The following MTA3 variants were observed in gnomAD, a reference collection of about 807,000 sequenced individuals.
MTA3 encodes metastasis associated 1 family member 3.
A neutral mutation model predicts 83.5 loss-of-function variants in MTA3; 34 were observed. That is an observed-to-expected ratio of 0.41 (90% confidence interval 0.31 to 0.54). MTA3 has a LOEUF of 0.54. MTA3 is among the 20% of genes least tolerant of loss of function. The pLI is 0.33. For synonymous variants in MTA3, 303 were observed against 252.7 expected, an observed-to-expected ratio of 1.20 and a Z score of -1.89; for missense variants, 761 against 726.4, an observed-to-expected ratio of 1.05 and a Z score of -0.55.
At chr2:42,719,206 G>C in intron 15 of MTA3, 132 bp downstream of exon 15, 1 of 613,520 alleles carries the variant, frequency 1.6e-6, no homozygotes, top group Non-Finnish European at 2.9e-6. Flanking sequence ...CCTTTATATA[G>C]TCAGTTTATT....
chr2:42,750,917 T>C (rs1023104457), intron 16 of MTA3, among the ~76,000 whole-genome samples: 1 of 152,230 alleles, frequency 6.6e-6, no homozygotes, highest in Non-Finnish European at 1.5e-5. Context: ...CTTCCTTGCT[T>C]CAGTCCCCTC....
chr2:42,622,391 C>A (rs546718431), intron 4 of MTA3, among the ~76,000 whole-genome samples: 3 of 119,154 alleles, frequency 2.5e-5, no homozygotes, highest in Non-Finnish European at 5.1e-5. Context: ...GAGAGGGAGA[C>A]CGTGGGGAGA....
intron 9 of MTA3, among the ~76,000 whole-genome samples, chr2:42,688,042 G>A (rs1692547523): frequency 6.6e-6 from 1 of 152,192 alleles, no homozygotes; most frequent in Admixed American, 6.5e-5. Flanking sequence ...TTGCTAGTTT[G>A]AATGCAAATT....
intron 16 of MTA3, among the ~76,000 whole-genome samples, chr2:42,729,646 T>C (rs776966898): frequency 2.6e-5 from 4 of 152,212 alleles, no homozygotes; most frequent in Admixed American, 6.5e-5. Context: ...GTTCCATTGG[T>C]CTGTATGTCT....
chr2:42,619,637 T>A (rs1397229466), intron 4 of MTA3, among the ~76,000 whole-genome samples: 1 of 152,136 alleles, frequency 6.6e-6, no homozygotes, highest in African/African-American at 2.4e-5. Flanking sequence ...TCAGCAGGAT[T>A]GTGTGTGTAT....
At chr2:42,517,039 C>T (rs1675175274) in intron 2 of MTA3, among the ~76,000 whole-genome samples, 1 of 152,064 alleles carries the variant, frequency 6.6e-6, no homozygotes, top group African/African-American at 2.4e-5. Context: ...GCGGGCAGAT[C>T]ACCTGAGGTG....
At chr2:42,577,504 G>A (rs527638611) in intron 2 of MTA3, among the ~76,000 whole-genome samples, 7 of 149,306 alleles carry the variant, frequency 4.7e-5, no homozygotes, top group Non-Finnish European at 7.4e-5. Flanking sequence ...TTTTTGAGAC[G>A]GATTGTCACT....
intron 16 of MTA3, among the ~76,000 whole-genome samples, chr2:42,727,523 G>C (rs1667911773): frequency 6.6e-6 from 1 of 152,186 alleles, no homozygotes; most frequent in African/African-American, 2.4e-5. Context: ...AGGGATAGAA[G>C]AGCCATTACT....
chr2:42,755,879 C>T lies in MTA3; in HGVS notation c.*2480C>T, dbSNP rs1285578977. ...CTCTGCAGGCTATCTCCCCCTCTGG[C>T]TCAGTCATCGCCTGCCCACCCTTCA... is the stretch of plus-strand genomic sequence containing the variant. On this transcript the variant is annotated 3_prime_UTR_variant, in exon 17 of 17. Transcript: ENST00000405094. The T allele has an allele frequency of 3.0e-5, 30 of 985,442 alleles. No homozygotes were observed. Among genetic ancestry groups the T allele is most frequent in the Non-Finnish European group, 3.6e-5 (30 of 829,936 alleles). 61.0% of individuals were successfully genotyped at this position (985,442 alleles called of 1,614,324 possible).
chr2:42,661,518 A>G (rs1689711545), intron 8 of MTA3, among the ~76,000 whole-genome samples: 1 of 147,142 alleles, frequency 6.8e-6, no homozygotes, highest in Admixed American at 6.9e-5. Context: ...AAAAAAAAAA[A>G]AAAAAAAAAA....
chr2:42,744,363 G>T (rs1051758915), intron 16 of MTA3, among the ~76,000 whole-genome samples: 1 of 152,172 alleles, frequency 6.6e-6, no homozygotes, highest in Non-Finnish European at 1.5e-5. Context: ...CTTCTATCAT[G>T]TCTCTGAGGG....
chr2:42,731,793 T>C (rs983899024), intron 16 of MTA3, among the ~76,000 whole-genome samples: 2 of 152,160 alleles, frequency 1.3e-5, no homozygotes, highest in Non-Finnish European at 2.9e-5. Context: ...CACAGTCCAG[T>C]CTCATTTGAG....
At chr2:42,519,287 C>G (rs764989603) in intron 2 of MTA3, among the ~76,000 whole-genome samples, 18 of 152,044 alleles carry the variant, frequency 1.2e-4, no homozygotes, top group Non-Finnish European at 2.2e-4. Flanking sequence ...ATCAGTACTC[C>G]TCAAAACTGT....
intron 12 of MTA3, 115 bp downstream of exon 12, chr2:42,704,433 T>A (rs1406162994): frequency 1.6e-6 from 2 of 1,275,354 alleles, no homozygotes; most frequent in Admixed American, 2.2e-5. Flanking sequence ...CACAAGCATG[T>A]CTCCTCTAAA....
chr2:42,696,038 A>G (rs1352542690), intron 10 of MTA3, among the ~76,000 whole-genome samples, 199 bp downstream of exon 10: 1 of 152,186 alleles, frequency 6.6e-6, no homozygotes, highest in African/African-American at 2.4e-5. Context: ...CGCATGAATT[A>G]TGATAAATAT....
At chr2:42,619,331 T>C (rs1685270832) in intron 4 of MTA3, among the ~76,000 whole-genome samples, 1 of 152,206 alleles carries the variant, frequency 6.6e-6, no homozygotes, top group African/African-American at 2.4e-5. Context: ...TGTGAAGATA[T>C]TCTCAAGTAT....
At chr2:42,647,340 C>T (rs976443775) in intron 6 of MTA3, among the ~76,000 whole-genome samples, 1 of 151,724 alleles carries the variant, frequency 6.6e-6, no homozygotes, top group African/African-American at 2.4e-5. Flanking sequence ...TCCTGTGCCT[C>T]GACCTCTCGA....
At chr2:42,499,606 A>G (rs1674303465) in intron 2 of MTA3, among the ~76,000 whole-genome samples, 1 of 150,646 alleles carries the variant, frequency 6.6e-6, no homozygotes. Context: ...CCTGACCAAC[A>G]TGGAGAAACC....
chr2:42,628,190 A>G (rs1339510154), intron 4 of MTA3, among the ~76,000 whole-genome samples: 3 of 148,308 alleles, frequency 2.0e-5, no homozygotes, highest in African/African-American at 7.5e-5. Flanking sequence ...CGGTTCTTTT[A>G]ATTTTCTTCT....
Sources: allele counts gnomAD v4.1 joint callset (sites outside exome capture counted in the v4.1 genomes callset), GRCh38; gene constraint gnomAD v4.1.1; transcripts MANE v1.5; gene names NCBI Gene and HGNC (gene_info 2026-07-23, HGNC 2026-07-21).